The following THAP8 variants were observed in gnomAD, a reference collection of about 807,000 sequenced individuals.
The protein encoded by THAP8 is THAP domain containing 8, also known as THAP domain-containing protein 8.
Under a neutral mutation model 25.0 loss-of-function variants are expected in THAP8, and 24 were observed. The observed-to-expected ratio is 0.96, with a 90% confidence interval of 0.69 to 1.35. The LOEUF is 1.35. Among genes scored for constraint, THAP8 ranks in the 40% most tolerant of loss-of-function variants. The pLI is 0.00. For missense variants in THAP8, 399 were observed against 368.8 expected (o/e 1.08, Z -0.67); for synonymous variants, 169 against 157.6 (o/e 1.07, Z -0.54).
At chr19:36,037,343 TAC>T (rs58349186) in intron 3 of THAP8, among the ~76,000 whole-genome samples, 13,966 of 114,368 alleles carry the variant, frequency 0.12, 890 homozygotes, top group Admixed American at 0.22. Context: ...ATTCCTCCCC[TAC>T]ACACACACAC....
chr19:36,053,119 T>C (rs1228641481), intron 1 of THAP8, among the ~76,000 whole-genome samples: 2 of 152,000 alleles, frequency 1.3e-5, no homozygotes, highest in Non-Finnish European at 2.9e-5. Context: ...CCACGCTGGA[T>C]TGCAGTGGCC....
rs1389811561 is a variant in THAP8 at position 36,040,005 on chromosome 19, C to T, written c.215G>A (p.Gly72Asp). Residue 72 changes from glycine to aspartate, a missense_variant, in exon 2 of 4, where the codon GGT (glycine) becomes GAT (aspartate). By Grantham distance (94) the Gly-to-Asp change is moderately conservative. Transcript: ENST00000292894. ...TGCATCAGGCCGCAGGTAGCGCACACCCCAGCGCCACTGGAAGCAGGAGGG... is the reference window on the plus strand; with the variant it reads ...TGCATCAGGCCGCAGGTAGCGCACATCCCAGCGCCACTGGAAGCAGGAGGG... ...FTPSCFQWRW[G>D]VRYLRPDAVP... The T allele has an allele frequency of 6.2e-7, 1 of 1,613,782 alleles. No individual in the cohort carries two copies. The highest frequency in any genetic ancestry group is 1.3e-5 in the African/African-American group (1 of 75,046).
chr19:36,051,884 A>G (rs1483123450), intron 1 of THAP8, among the ~76,000 whole-genome samples: 1 of 152,014 alleles, frequency 6.6e-6, no homozygotes, highest in Admixed American at 6.6e-5. Flanking sequence ...CTTCATCTGT[A>G]TTTACAGCCA....
intron 1 of THAP8, among the ~76,000 whole-genome samples, chr19:36,051,584 G>A (rs566230184): frequency 6.6e-6 from 1 of 152,288 alleles, no homozygotes; most frequent in Non-Finnish European, 1.5e-5. Context: ...GAGAGGGTTA[G>A]AAGTGATCAA....
At chr19:36,039,896 G>A (rs373362726) in intron 2 of THAP8, 48 bp downstream of exon 2, 1 of 1,608,616 alleles carries the variant, frequency 6.2e-7, no homozygotes, top group Admixed American at 1.7e-5. Context: ...CCCTTAGGCA[G>A]GGAGGTCTGG....
intron 1 of THAP8, among the ~76,000 whole-genome samples, chr19:36,042,340 A>G (rs1969722649): frequency 6.6e-6 from 1 of 152,186 alleles, no homozygotes; most frequent in African/African-American, 2.4e-5. Flanking sequence ...GTTCGTAGCA[A>G]CATAAATCAG....
chr19:36,052,776 G>A (rs1038377996), intron 1 of THAP8, among the ~76,000 whole-genome samples: 1 of 152,208 alleles, frequency 6.6e-6, no homozygotes, highest in South Asian at 2.1e-4. Flanking sequence ...CCAAGCAAAA[G>A]TGAGATGTTT....
At chr19:36,048,201 G>A (rs1282427538) in intron 1 of THAP8, among the ~76,000 whole-genome samples, 2 of 152,154 alleles carry the variant, frequency 1.3e-5, no homozygotes, top group Non-Finnish European at 2.9e-5. Flanking sequence ...AGATACTGTA[G>A]AGTAGGACCA....
In THAP8 at chr19:36,039,731, G is replaced by C; in HGVS notation, c.277-13C>G. On this transcript the variant is annotated splice_polypyrimidine_tract_variant and intron_variant, in intron 2 of 3. Transcript: ENST00000292894. ...TCCTCCGCTGACTCTGGAAGACAAGGCATGGGGTGCAGGGGTGCCGTGGTC... is the reference window on the plus strand; with the variant it reads ...TCCTCCGCTGACTCTGGAAGACAAGCCATGGGGTGCAGGGGTGCCGTGGTC... The C allele has an allele frequency of 4.0e-6, 6 of 1,506,668 alleles. No homozygotes were observed. Among genetic ancestry groups the C allele is most frequent in the Non-Finnish European group, 5.3e-6 (6 of 1,127,768 alleles). The allele number at this position is 1,506,668 out of a possible 1,614,324, so 93.3% of individuals were successfully genotyped here.
intron 1 of THAP8, chr19:36,045,645 G>A: frequency 2.3e-6 from 1 of 441,364 alleles, no homozygotes; most frequent in South Asian, 1.6e-5. Context: ...GGGTCATCCG[G>A]GTTGGCCCTA....
At chr19:36,038,178 A>G (rs1406965291) in intron 3 of THAP8, among the ~76,000 whole-genome samples, 1 of 152,002 alleles carries the variant, frequency 6.6e-6, no homozygotes, top group Non-Finnish European at 1.5e-5. Flanking sequence ...CCCGAACTCA[A>G]GCAATCTGCC....
At chr19:36,035,691 A>AG (rs769750952) in intron 3 of THAP8, 99 bp from the exon 4 acceptor site, 556 of 1,374,336 alleles carry the variant, frequency 4.0e-4, no homozygotes, top group Non-Finnish European at 5.3e-4. Context: ...AGGTGGCAGG[A>AG]GGGCGTGTCA....
chr19:36,037,345 C>G (rs71337524), intron 3 of THAP8, among the ~76,000 whole-genome samples: 31,040 of 87,220 alleles, frequency 0.36, 3,646 homozygotes, highest in Admixed American at 0.37. Flanking sequence ...TCCTCCCCTA[C>G]ACACACACAC....
chr19:36,050,319 C>T (rs1970021060), intron 1 of THAP8, among the ~76,000 whole-genome samples: 1 of 151,984 alleles, frequency 6.6e-6, no homozygotes, highest in South Asian at 2.1e-4. Context: ...TAATTTTTTA[C>T]ATTTTGTAGA....
chr19:36,037,243 TACACACACACACAC>T (rs67358015), intron 3 of THAP8, among the ~76,000 whole-genome samples: 5 of 114,174 alleles, frequency 4.4e-5, no homozygotes, highest in African/African-American at 1.1e-4. Flanking sequence ...CTTCCTCCCC[TACACACACACACAC>T]ACACACACAC....
chr19:36,039,747 TGCCGTGGTCAGACTTCGACTCAGGAG>T, intron 2 of THAP8, 29 bp from the exon 3 acceptor site: 1 of 1,489,798 alleles, frequency 6.7e-7, no homozygotes, highest in Non-Finnish European at 8.9e-7. Context: ...GGTGCAGGGG[TGCCGTGGTCAGACTTCGACTCAGGAG>T]GAAAGGGATG....
intron 1 of THAP8, among the ~76,000 whole-genome samples, chr19:36,043,765 G>C (rs1969782162): frequency 6.6e-6 from 1 of 152,062 alleles, no homozygotes; most frequent in South Asian, 2.1e-4. Flanking sequence ...GCGTGTCCCT[G>C]TAATCCCAGC....
At chr19:36,046,940 C>A (rs1312447528) in intron 1 of THAP8, among the ~76,000 whole-genome samples, 1 of 152,148 alleles carries the variant, frequency 6.6e-6, no homozygotes, top group African/African-American at 2.4e-5. Context: ...AAGGGACGAT[C>A]AACAGGATTC....
intron 1 of THAP8, among the ~76,000 whole-genome samples, chr19:36,041,639 G>A (rs1259560341): frequency 2.0e-5 from 3 of 152,080 alleles, no homozygotes; most frequent in African/African-American, 4.8e-5. Context: ...ATGGGCAAAG[G>A]ACTTGAACAA....
Sources: gnomAD v4.1 joint callset for allele counts (sites outside exome capture counted in the v4.1 genomes callset) on GRCh38, gnomAD v4.1.1 for gene constraint, MANE v1.5 for transcripts, NCBI Gene and HGNC (gene_info 2026-07-23, HGNC 2026-07-21) for gene names.